MOV10L1: variants seen among roughly 807,000 people sequenced by gnomAD.
MOV10L1 encodes RNA helicase Mov10l1.
Under a neutral mutation model 143.8 loss-of-function variants are expected in MOV10L1, and 110 were observed. The observed-to-expected ratio is 0.76, with a 90% CI of 0.66 to 0.90. The LOEUF is 0.90. MOV10L1 is among the 40% of genes least tolerant of loss of function. The pLI is 0.00. For missense variants in MOV10L1, 1,406 were observed against 1,526.8 expected (o/e 0.92, Z 1.32); for synonymous variants, 593 against 581.1 (o/e 1.02, Z -0.29).
intron 5 of MOV10L1, among the ~76,000 whole-genome samples, chr22:50,110,925 C>T (rs926485908): frequency 6.8e-6 from 1 of 148,134 alleles, no homozygotes; most frequent in Non-Finnish European, 1.5e-5. Flanking sequence ...AGCCAGACTC[C>T]ATCTCCAATT....
In MOV10L1 at chr22:50,145,801, T is replaced by G. The variant is rs1215024940; in HGVS notation, c.2618T>G (p.Ile873Arg). Residue 873 changes from isoleucine to arginine, a missense_variant, in exon 19 of 27, where the codon ATA becomes AGA. By Grantham distance (97) the Ile-to-Arg change is moderately conservative. Transcript: ENST00000262794. ...AGCAGCTCAGGGCTGTTTTACCAAA[T>G]AGGAGTGAGGTGAGCCCCGGGCATG... ...TCSSSGLFYQ[I>R]GVRVGHFTHV... The G allele has an allele frequency of 6.2e-7, 1 of 1,613,814 alleles. No individual in the cohort carries two copies. The highest frequency in any genetic ancestry group is 2.2e-5 in the East Asian group (1 of 44,868).
At chr22:50,160,595 A>T in intron 24 of MOV10L1, 93 bp from the exon 25 acceptor site, 1 of 1,458,676 alleles carries the variant, frequency 6.9e-7, no homozygotes, top group Non-Finnish European at 9.2e-7. Context: ...TCTGCTATTT[A>T]ACATTTTTAA....
At chr22:50,142,835 CA>C (rs2063029568) in intron 16 of MOV10L1, among the ~76,000 whole-genome samples, 1 of 150,476 alleles carries the variant, frequency 6.6e-6, no homozygotes, top group African/African-American at 2.4e-5. Context: ...GACCCTGTCT[CA>C]AAAAAGAAAA....
intron 22 of MOV10L1, 103 bp downstream of exon 22, chr22:50,153,321 C>G (rs906275047): frequency 1.5e-6 from 2 of 1,344,200 alleles, no homozygotes; most frequent in Non-Finnish European, 2.1e-6. Flanking sequence ...TGTGGCGGGG[C>G]AGATGTTCTG....
At chr22:50,137,990 A>G (rs894174890) in intron 15 of MOV10L1, among the ~76,000 whole-genome samples, 6 of 151,966 alleles carry the variant, frequency 3.9e-5, no homozygotes, top group Admixed American at 3.9e-4. Context: ...CCAAAAATAA[A>G]TGTGTAATAT....
At chr22:50,114,705 A>C in intron 7 of MOV10L1, 83 bp downstream of exon 7, 1 of 1,559,796 alleles carries the variant, frequency 6.4e-7, no homozygotes, top group Non-Finnish European at 8.7e-7. Context: ...GAGGGCGGGC[A>C]GCAGGGGCCA....
intron 21 of MOV10L1, 140 bp downstream of exon 21, chr22:50,151,039 T>TC: frequency 9.6e-7 from 1 of 1,042,318 alleles, no homozygotes; most frequent in Non-Finnish European, 1.4e-6. Context: ...CCATAGCACC[T>TC]CCCCCGTCAG....
At position 50,146,574 on chromosome 22, in the gene MOV10L1, G is replaced by T. The variant is rs140993474; in HGVS notation, c.2627+764G>T. Among the ~76,000 whole-genome samples, 105 of 152,212 alleles carry T rather than the reference G, an allele frequency of 6.9e-4. No homozygotes were observed. The Middle Eastern group carries it at 0.02, about 30-fold the overall frequency. On this transcript the variant is annotated intron_variant, in intron 19 of 26. Transcript: ENST00000262794. ...GAGAGAGGGAGAAGCCAGGGCCTCT[G>T]AGGGAAGCCCCACCCTCCCTGACGG...
At chr22:50,150,010 C>G (rs1260664923) in intron 20 of MOV10L1, among the ~76,000 whole-genome samples, 1 of 152,244 alleles carries the variant, frequency 6.6e-6, no homozygotes, top group Non-Finnish European at 1.5e-5. Context: ...CGTTCAGTGC[C>G]TGGAGGGGCG....
intron 13 of MOV10L1, among the ~76,000 whole-genome samples, chr22:50,129,111 A>G (rs889353746): frequency 3.3e-5 from 5 of 152,112 alleles, no homozygotes; most frequent in Admixed American, 3.3e-4. Context: ...GCATTTTTGC[A>G]TACCCCGTGT....
intron 2 of MOV10L1, chr22:50,096,364 A>ATTATT (rs2062589442): frequency 6.6e-6 from 1 of 152,258 alleles, no homozygotes; most frequent in Non-Finnish European, 1.5e-5. Flanking sequence ...TGTGTGAATA[A>ATTATT]ATCACATTTT....
intron 3 of MOV10L1, 134 bp downstream of exon 3, chr22:50,099,736 C>G: frequency 9.2e-7 from 1 of 1,092,710 alleles, no homozygotes; most frequent in African/African-American, 1.6e-5. Flanking sequence ...TCGCTTGAGC[C>G]CAGGAGTTGG....
chr22:50,124,275 T>A (rs2062432413), intron 10 of MOV10L1, among the ~76,000 whole-genome samples: 1 of 152,192 alleles, frequency 6.6e-6, no homozygotes, highest in Non-Finnish European at 1.5e-5. Flanking sequence ...CTCCCATAAG[T>A]CTTGCTGTAT....
At chr22:50,126,407 T>C (rs183272895) in intron 12 of MOV10L1, 135 bp downstream of exon 12, 5,579 of 549,532 alleles carry the variant, frequency 0.01, 41 homozygotes, top group Middle Eastern at 0.02. Context: ...CAAGATACAG[T>C]GAATCTTTAA....
chr22:50,151,721 G>A (rs139165566), intron 21 of MOV10L1, among the ~76,000 whole-genome samples: 42 of 152,344 alleles, frequency 2.8e-4, no homozygotes, highest in Middle Eastern at 3.4e-3. Context: ...GCCTGTACCC[G>A]CTAGCTGCTT....
chr22:50,128,540 C>CTTTTTTT (rs36022529), intron 13 of MOV10L1, 33 bp downstream of exon 13: 30 of 487,858 alleles, frequency 6.1e-5, no homozygotes, highest in African/African-American at 1.2e-4. Context: ...TTTCAAATGT[C>CTTTTTTT]TTTTTTTTTT....
At chr22:50,147,211 C>T (rs1297105982) in intron 19 of MOV10L1, 1 of 1,121,964 alleles carries the variant, frequency 8.9e-7, no homozygotes, top group African/African-American at 1.7e-5. Context: ...TGTGCAGAAG[C>T]AGGGAGGGTG....
At chr22:50,113,372 G>A (rs1369166222) in intron 5 of MOV10L1, among the ~76,000 whole-genome samples, 1 of 152,204 alleles carries the variant, frequency 6.6e-6, no homozygotes, top group Non-Finnish European at 1.5e-5. Context: ...GCAGGAGGTA[G>A]GGGAGTGCTG....
chr22:50,091,926 C>G, intron 1 of MOV10L1, 75 bp from the exon 2 acceptor site: 3 of 1,454,850 alleles, frequency 2.1e-6, no homozygotes, highest in Non-Finnish European at 1.9e-6. Context: ...TGCACTCTGC[C>G]TTTCTCTGGT....
Sources: gnomAD v4.1 joint callset for allele counts (sites outside exome capture counted in the v4.1 genomes callset) on GRCh38, gnomAD v4.1.1 for gene constraint, MANE v1.5 for transcripts, NCBI Gene and HGNC (gene_info 2026-07-23, HGNC 2026-07-21) for gene names.